CMSS1: variants seen among roughly 807,000 people sequenced by gnomAD.
CMSS1 encodes cms1 ribosomal small subunit homolog.
A neutral mutation model predicts 43.5 loss-of-function variants in CMSS1; 33 were observed. The observed-to-expected ratio is 0.76, with a 90% confidence interval of 0.57 to 1.01. The LOEUF is 1.01. Among genes scored for constraint, CMSS1 ranks in the 50% least tolerant of loss-of-function variants. The pLI, the probability that CMSS1 is intolerant of heterozygous loss-of-function variation, is 0.00. For missense variants in CMSS1, 313 were observed against 326.4 expected, an observed-to-expected ratio of 0.96 and a Z score of 0.32; for synonymous variants, 115 against 117.2, an observed-to-expected ratio of 0.98 and a Z score of 0.12.
chr3:100,021,914 A>ATT (rs1559728514), intron 1 of CMSS1, among the ~76,000 whole-genome samples: 29 of 86,648 alleles, frequency 3.3e-4, no homozygotes, highest in African/African-American at 1.5e-3. Context: ...GCTAGATCCC[A>ATT]TTGTGTGTGT....
intron 1 of CMSS1, among the ~76,000 whole-genome samples, chr3:100,061,420 C>T (rs368159141): frequency 6.6e-6 from 1 of 152,192 alleles, no homozygotes; most frequent in Non-Finnish European, 1.5e-5. Flanking sequence ...GTAGGCAATT[C>T]TTGGTTATTC....
intron 1 of CMSS1, among the ~76,000 whole-genome samples, chr3:100,063,288 A>T (rs1029646868): frequency 2.0e-5 from 3 of 152,182 alleles, no homozygotes; most frequent in Non-Finnish European, 2.9e-5. Flanking sequence ...TAGAAATAAA[A>T]TTTTAACAGA....
chr3:99,961,648 C>T (rs1708494523), intron 1 of CMSS1, among the ~76,000 whole-genome samples: 1 of 152,106 alleles, frequency 6.6e-6, no homozygotes, highest in African/African-American at 2.4e-5. Context: ...ACCTTTGGCC[C>T]TGGTGCCTCT....
intron 1 of CMSS1, among the ~76,000 whole-genome samples, chr3:100,085,940 G>T (rs2066002074): frequency 6.6e-6 from 1 of 152,200 alleles, no homozygotes; most frequent in African/African-American, 2.4e-5. Context: ...TCAGCATAAA[G>T]GTCACCACTT....
In CMSS1 at chr3:99,857,147, T is replaced by G. The variant is rs75149786; in HGVS notation, c.64+39104T>G. ...AAATACTCCCTTTTGTGAAAAATAC[T>G]GTAGCACTGTCCTAAGTAGTTTTAT... On this transcript the variant is annotated intron_variant, in intron 1 of 9. Transcript: ENST00000421999. Among the ~76,000 whole-genome samples the G allele has an allele frequency of 3.2e-4, 48 of 152,314 alleles. 1 individual carries two copies. In the East Asian group the frequency reaches 8.7e-3, roughly 28 times the overall value.
intron 2 of CMSS1, chr3:100,159,821 T>G (rs1559775977): frequency 2.2e-6 from 1 of 453,888 alleles, no homozygotes; most frequent in East Asian, 7.0e-5. Context: ...TTACTCTAGA[T>G]ACTGTGGTGC....
chr3:100,081,019 T>C (rs2065923573), intron 1 of CMSS1, among the ~76,000 whole-genome samples: 1 of 152,226 alleles, frequency 6.6e-6, no homozygotes, highest in African/African-American at 2.4e-5. Context: ...GAACTATCTG[T>C]TGAGCATCTT....
At chr3:100,118,287 A>G (rs1327563060) in intron 1 of CMSS1, among the ~76,000 whole-genome samples, 3 of 152,112 alleles carry the variant, frequency 2.0e-5, no homozygotes, top group African/African-American at 7.2e-5. Flanking sequence ...TACTATTTCT[A>G]GAAAATTTAA....
At chr3:100,020,760 C>CTTTTTTTTTTTTTTTT in intron 1 of CMSS1, among the ~76,000 whole-genome samples, 1 of 70,994 alleles carries the variant, frequency 1.4e-5, no homozygotes, top group Non-Finnish European at 2.4e-5. Flanking sequence ...GAATAATTAG[C>CTTTTTTTTTTTTTTTT]TTTTTTTTTT....
At chr3:100,171,965 C>A in intron 7 of CMSS1, 66 bp downstream of exon 7, 1 of 1,161,984 alleles carries the variant, frequency 8.6e-7, no homozygotes, top group South Asian at 1.3e-5. Flanking sequence ...CTTTCAACCT[C>A]TTCTCCTAAT....
intron 1 of CMSS1, among the ~76,000 whole-genome samples, chr3:100,050,133 T>C (rs1008006933): frequency 6.6e-6 from 1 of 152,184 alleles, no homozygotes; most frequent in African/African-American, 2.4e-5. Flanking sequence ...TGGGGTAGTG[T>C]TCGGGGGCAA....
chr3:100,017,788 G>T (rs2107218295), intron 1 of CMSS1, among the ~76,000 whole-genome samples: 2 of 152,252 alleles, frequency 1.3e-5, no homozygotes, highest in South Asian at 4.1e-4. Context: ...AGAAACACTG[G>T]TCTTCTCCGA....
At chr3:99,971,138 C>T (rs1027227552) in intron 1 of CMSS1, among the ~76,000 whole-genome samples, 14 of 152,108 alleles carry the variant, frequency 9.2e-5, no homozygotes, top group South Asian at 2.1e-4. Context: ...GAGATCGAGA[C>T]CATCCTGGCT....
At chr3:100,069,804 G>A (rs2065729796) in intron 1 of CMSS1, among the ~76,000 whole-genome samples, 1 of 152,162 alleles carries the variant, frequency 6.6e-6, no homozygotes, top group Non-Finnish European at 1.5e-5. Flanking sequence ...CAGTCTATTT[G>A]TGAGGGCATA....
At chr3:100,084,120 T>C (rs755228714) in intron 1 of CMSS1, among the ~76,000 whole-genome samples, 8 of 152,224 alleles carry the variant, frequency 5.3e-5, no homozygotes, top group Admixed American at 2.0e-4. Context: ...CCTCGGGCCA[T>C]GAGACCCATG....
At chr3:99,850,431 T>C in intron 1 of CMSS1, 1 of 1,614,092 alleles carries the variant, frequency 6.2e-7, no homozygotes, top group Non-Finnish European at 8.5e-7. Flanking sequence ...TTTCAACCTC[T>C]AGTTTAAAGT....
chr3:99,917,781 T>C (rs7626310), intron 1 of CMSS1, among the ~76,000 whole-genome samples: 1,762 of 152,308 alleles, frequency 0.012, 19 homozygotes, highest in African/African-American at 0.026. Flanking sequence ...TAAGAATGGA[T>C]GTACAGATTT....
chr3:99,983,402 A>ATGTG (rs1212244314), intron 1 of CMSS1, among the ~76,000 whole-genome samples: 3 of 110,396 alleles, frequency 2.7e-5, no homozygotes, highest in African/African-American at 1.1e-4. Flanking sequence ...ATATATATAT[A>ATGTG]TATATATATA....
chr3:100,157,945 G>A (rs577787262), intron 2 of CMSS1, among the ~76,000 whole-genome samples: 1 of 152,248 alleles, frequency 6.6e-6, no homozygotes, highest in East Asian at 1.9e-4. Context: ...AGTCGAGCAG[G>A]TCAAAGACTT....
Sources: gnomAD v4.1 joint callset for allele counts (sites outside exome capture counted in the v4.1 genomes callset) on GRCh38, gnomAD v4.1.1 for gene constraint, MANE v1.5 for transcripts, NCBI Gene and HGNC (gene_info 2026-07-23, HGNC 2026-07-21) for gene names.